The following CHST6 variants were observed in gnomAD, a reference collection of about 807,000 sequenced individuals.
The protein encoded by CHST6 is carbohydrate sulfotransferase 6, also known as N-acetylglucosamine 6-O-sulfotransferase 5.
For missense variants in CHST6, 698 were observed against 586.2 expected, an observed-to-expected ratio of 1.19 and a Z score of -1.97; for synonymous variants, 309 against 276.4, an observed-to-expected ratio of 1.12 and a Z score of -1.17.
At chr16:75,487,997 AAAAC>A (rs575138576) in intron 1 of CHST6, among the ~76,000 whole-genome samples, 24 of 152,096 alleles carry the variant, frequency 1.6e-4, no homozygotes, top group African/African-American at 5.5e-4. Flanking sequence ...TCCACCTCAA[AAAAC>A]AAACAAACAA....
chr16:75,492,890 G>A (rs921985903), intron 1 of CHST6, among the ~76,000 whole-genome samples: 1 of 151,934 alleles, frequency 6.6e-6, no homozygotes, highest in Non-Finnish European at 1.5e-5. Context: ...AAAACACATA[G>A]TCAAATGCAA....
rs370641354 is a variant in CHST6, at chr16:75,479,564, G to T, written c.265C>A (p.His89Asn). ...CGCACCAGGTCGCGCACAGCCATGTGCAGCGTTGCGGCGCTGCCCTGCGAC... is the reference window on the plus strand; with the variant it reads ...CGCACCAGGTCGCGCACAGCCATGTTCAGCGTTGCGGCGCTGCCCTGCGAC... ...TLSQGSAATL[H>N]MAVRDLVRSV... Residue 89 changes from histidine to asparagine, a missense_variant, in exon 3 of 3, where the codon CAC (histidine) becomes AAC (asparagine). Transcript: ENST00000332272. 6.2e-7 allele frequency: 1 copy of T among 1,612,888 alleles called. No individual in the cohort carries two copies. Among genetic ancestry groups the T allele is most frequent in the African/African-American group, 1.3e-5 (1 of 74,938 alleles).
At chr16:75,486,457 C>T (rs1021449826) in intron 1 of CHST6, among the ~76,000 whole-genome samples, 5 of 152,226 alleles carry the variant, frequency 3.3e-5, no homozygotes, top group Non-Finnish European at 5.9e-5. Flanking sequence ...CCACCACTCC[C>T]GGCTCCTAAG....
In CHST6 at chr16:75,478,832, A is replaced by G. The variant is rs758657734; in HGVS notation, c.997T>C (p.Trp333Arg). The G allele has an allele frequency of 2.5e-5, 41 of 1,613,320 alleles. No homozygotes were observed. The highest frequency in any genetic ancestry group is 3.4e-5 in the Non-Finnish European group (40 of 1,179,986). ...TTGGCAAAGGGCAGCGCATGGCGCC[A>G]GGCCTGGGAGACGTTGAGCGCATTC... ...SRNALNVSQAWRHALPFAKIR... is the reference protein window; with the variant it reads ...SRNALNVSQARRHALPFAKIR... Residue 333 changes from tryptophan (W) to arginine (R), a missense_variant, in exon 3 of 3, where the codon TGG becomes CGG. Transcript: ENST00000332272.
Position 75,479,616 on chromosome 16 carries a change from C to G in CHST6, c.213G>C (p.Glu71Asp). ...GGGTGGTCCACACGTGCCACGCGGG[C>G]TCCATTAGGTAGAAGACGTCGGGGT... ...NQHPDVFYLM[E>D]PAWHVWTTLS... is the part of the protein sequence containing the mutation. Residue 71 changes from glutamate to aspartate, a missense_variant, in exon 3 of 3, where the codon GAG becomes GAC. Transcript: ENST00000332272. 1 of 1,612,888 alleles carries G rather than the reference C, an allele frequency of 6.2e-7. No homozygotes were observed.
At chr16:75,489,440 C>G (rs761630664) in intron 1 of CHST6, among the ~76,000 whole-genome samples, 22 of 149,268 alleles carry the variant, frequency 1.5e-4, no homozygotes, top group Admixed American at 1.3e-3. Flanking sequence ...AAGGGACTTG[C>G]GGGAAGAATT....
In CHST6 at chr16:75,475,760, C is replaced by T. The variant is rs1243023905; in HGVS notation, c.*2881G>A. The stretch of plus-strand genomic sequence containing the variant: ...GTCAGGGGAGAATGGATGGGTCATA[C>T]AACAAAGGACTTGGATACCAAGAGG... On this transcript the variant is annotated 3_prime_UTR_variant, in exon 3 of 3. Transcript: ENST00000332272. The T allele has an allele frequency of 6.6e-6, 1 of 152,198 alleles. No individual in the cohort carries two copies. Among genetic ancestry groups the T allele is most frequent in the East Asian group, 1.9e-4 (1 of 5,194 alleles). 9.4% of individuals were successfully genotyped at this position (152,198 alleles called of 1,614,324 possible).
In CHST6 at chr16:75,478,997, G is replaced by A. The variant is rs1041148351; in HGVS notation, c.832C>T (p.Arg278Trp). The A allele has an allele frequency of 3.7e-6, 6 of 1,612,268 alleles. No homozygotes were observed. The highest frequency in any genetic ancestry group is 2.2e-5 in the East Asian group (1 of 44,882). Residue 278 changes from arginine (R) to tryptophan (W), a missense_variant, in exon 3 of 3, where the codon CGG (arginine) becomes TGG (tryptophan). Coordinates refer to ENST00000332272, the MANE Select transcript of CHST6 (RefSeq NM_021615.5). The part of the protein sequence containing the change: ...YRLVRFEDLA[R>W]EPLAEIRALY... The stretch of plus-strand genomic sequence containing the variant: ...GCACGGATTTCTGCCAGCGGCTCCC[G>A]CGCCAGGTCCTCGAAGCGCACCAGG...
intron 1 of CHST6, among the ~76,000 whole-genome samples, chr16:75,492,348 T>G (rs983587997): frequency 2.0e-5 from 3 of 152,256 alleles, no homozygotes; most frequent in African/African-American, 7.2e-5. Context: ...CCACTTCTTC[T>G]GTGCAGCAAC....
At chr16:75,482,954 G>A (rs975446628) in intron 1 of CHST6, among the ~76,000 whole-genome samples, 4 of 152,210 alleles carry the variant, frequency 2.6e-5, no homozygotes, top group African/African-American at 9.6e-5. Context: ...CATGATCAAC[G>A]CTCCTCCAGT....
chr16:75,487,952 T>A (rs1375789506), intron 1 of CHST6, among the ~76,000 whole-genome samples: 1 of 151,798 alleles, frequency 6.6e-6, no homozygotes, highest in Non-Finnish European at 1.5e-5. Context: ...GCTCAGATCA[T>A]GCCACTGCAC....
chr16:75,486,317 C>A lies in CHST6; in HGVS notation c.-91-4426G>T, dbSNP rs968144938. On this transcript the variant is annotated intron_variant, in intron 1 of 2. Coordinates refer to ENST00000332272, the MANE Select transcript of CHST6 (RefSeq NM_021615.5). ...GACTAGTGTGAGGATCAGCACTGCA[C>A]AGGTGCACTGGACATGCTTGGTTCT... 2.0e-4 allele frequency among the ~76,000 whole-genome samples: 30 copies of A among 152,370 alleles called. 1 individual carries two copies. Among genetic ancestry groups the A allele is most frequent in the African/African-American group, 7.2e-4 (30 of 41,586 alleles).
chr16:75,479,086 C>T lies in CHST6; in HGVS notation c.743G>A (p.Ser248Asn). The T allele has an allele frequency of 6.2e-7, 1 of 1,605,516 alleles. No homozygotes were observed. The highest frequency in any genetic ancestry group is 1.1e-5 in the South Asian group (1 of 90,990). Residue 248 changes from serine (S) to asparagine (N), a missense_variant, in exon 3 of 3, where the codon AGC becomes AAC. Ser to Asn is a conservative substitution (Grantham distance 46). Transcript: ENST00000332272. ...GLRVVREVCR[S>N]HVRIAEAATL... ...GGCGGCCTCGGCGATGCGTACGTGG[C>T]TACGGCACACCTCGCGCACCACGCG...
rs2080073820 is a variant in CHST6 at position 75,477,036 on chromosome 16, A to T, written c.*1605T>A. ...TGGGATTACAGGCATGAGCCACTGC[A>T]TCCAGCCAAGTTACCCACTCTTAAG... On this transcript the variant is annotated 3_prime_UTR_variant, in exon 3 of 3. Transcript: ENST00000332272. 1 of 152,222 alleles carries T rather than the reference A, an allele frequency of 6.6e-6. No individual in the cohort carries two copies. Among genetic ancestry groups the T allele is most frequent in the Non-Finnish European group, 1.5e-5 (1 of 68,072 alleles). 9.4% of individuals were successfully genotyped at this position (152,222 alleles called of 1,614,324 possible). A position where few individuals can be genotyped will look rare whatever the true frequency, so the allele number is the denominator to read the frequency against.
rs539642330 is a variant in CHST6 at position 75,480,563 on chromosome 16, G to T, written c.-16-719C>A. On this transcript the variant is annotated intron_variant, in intron 2 of 2. Transcript: ENST00000332272. Reference sequence around the variant, plus strand: ...CCTTGCTACAGCGTGTGCTTCTGCAGTGTATGATTTTTTTTTTTTTAAATA... The same window carrying T: ...CCTTGCTACAGCGTGTGCTTCTGCATTGTATGATTTTTTTTTTTTTAAATA... Among the ~76,000 whole-genome samples, 29 of 110,046 alleles carry T rather than the reference G, an allele frequency of 2.6e-4. No individual in the cohort carries two copies. In the East Asian group the frequency reaches 5.7e-3, roughly 22 times the overall value. 72.2% of individuals were successfully genotyped at this position (110,046 alleles called of 152,430 possible). A position where few individuals can be genotyped will look rare whatever the true frequency, so the allele number is the denominator to read the frequency against.
In CHST6 at chr16:75,477,700, CA is replaced by C. The variant is rs1360773307; in HGVS notation, c.*940del. The C allele has an allele frequency of 2.0e-5, 3 of 152,512 alleles. No individual in the cohort carries two copies. The highest frequency in any genetic ancestry group is 4.4e-5 in the Non-Finnish European group (3 of 68,256). The allele number at this position is 152,512 out of a possible 1,614,324, so 9.4% of individuals were successfully genotyped here. A position where few individuals can be genotyped will look rare whatever the true frequency, so the allele number is the denominator to read the frequency against. ...AGAGCTAGGAGGTGTGGCTCACAGG[CA>C]GGGATCATCCTCTGCTTTCCTCCAA... On this transcript the variant is annotated 3_prime_UTR_variant, in exon 3 of 3. Coordinates refer to ENST00000332272, the MANE Select transcript of CHST6 (RefSeq NM_021615.5).
chr16:75,487,960 C>A (rs1217105092), intron 1 of CHST6, among the ~76,000 whole-genome samples: 1 of 151,990 alleles, frequency 6.6e-6, no homozygotes, highest in Non-Finnish European at 1.5e-5. Context: ...CATGCCACTG[C>A]ACTCTAGCCT....
chr16:75,487,694 G>A (rs909954778), intron 1 of CHST6, among the ~76,000 whole-genome samples: 1 of 151,724 alleles, frequency 6.6e-6, no homozygotes, highest in Non-Finnish European at 1.5e-5. Flanking sequence ...AGCTACTCAG[G>A]AGGCTGAGGT....
intron 1 of CHST6, among the ~76,000 whole-genome samples, chr16:75,484,996 C>A (rs1249677543): frequency 6.6e-6 from 1 of 152,162 alleles, no homozygotes; most frequent in African/African-American, 2.4e-5. Context: ...AAGAAAGTGA[C>A]GTTTCCTATC....
Sources: gnomAD v4.1 joint callset for allele counts (sites outside exome capture counted in the v4.1 genomes callset) on GRCh38, gnomAD v4.1.1 for gene constraint, MANE v1.5 for transcripts, NCBI Gene and HGNC (gene_info 2026-07-23, HGNC 2026-07-21) for gene names.